Variants in GSS observed in about 807,000 individuals in gnomAD.
GSS encodes the protein glutathione synthetase.
Under a neutral mutation model 60.4 loss-of-function variants are expected in GSS, and 34 were observed. That is an observed-to-expected ratio of 0.56 (90% CI 0.43 to 0.75). The LOEUF (loss-of-function observed/expected upper bound fraction) is 0.75, where lower values mean the gene tolerates loss of function less well. GSS is among the 30% of genes least tolerant of loss of function. The probability of loss-of-function intolerance (pLI) is 0.00; values close to 1 mark genes in which losing one functional copy is unlikely to be tolerated. For synonymous variants in GSS, 224 were observed against 239.0 expected (o/e 0.94, Z 0.58); for missense variants, 499 against 595.1 (o/e 0.84, Z 1.68).
chr20:34,937,082 T>C, intron 6 of GSS, 59 bp from the exon 7 acceptor site: 1 of 1,263,864 alleles, frequency 7.9e-7, no homozygotes, highest in Non-Finnish European at 1.2e-6. Context: ...CTTTTGTTTC[T>C]CCCCTCAACC....
At chr20:34,935,776 G>A (rs1296661593) in intron 8 of GSS, 134 bp from the exon 9 acceptor site, 3 of 706,390 alleles carry the variant, frequency 4.2e-6, no homozygotes, top group Admixed American at 2.0e-5. Context: ...CTGGTCAGGG[G>A]TTCACTGGAA....
intron 1 of GSS, chr20:34,955,371 A>G (rs2081614458): frequency 1.3e-5 from 2 of 152,244 alleles, no homozygotes; most frequent in African/African-American, 4.8e-5. Context: ...AAAGGCCCCG[A>G]GGCAACGACA....
chr20:34,939,227 C>T (rs764856024), intron 6 of GSS, among the ~76,000 whole-genome samples: 1 of 151,840 alleles, frequency 6.6e-6, no homozygotes, highest in South Asian at 2.1e-4. Flanking sequence ...GCAACAAAAA[C>T]GAAACTCTGT....
intron 3 of GSS, 54 bp downstream of exon 3, chr20:34,945,899 C>G: frequency 1.3e-6 from 2 of 1,588,346 alleles, no homozygotes; most frequent in Non-Finnish European, 1.7e-6. Flanking sequence ...CTGCAATCTT[C>G]CAGTTCCTTG....
intron 1 of GSS, chr20:34,954,735 A>T (rs746726333): frequency 1.3e-5 from 2 of 153,194 alleles, no homozygotes; most frequent in Non-Finnish European, 2.9e-5. Context: ...AGAATATCCA[A>T]TTTTTTCCTG....
At position 34,944,635 on chromosome 20, in the gene GSS, G is replaced by A. The variant is rs779729567; in HGVS notation, c.275+1318C>T. Among the ~76,000 whole-genome samples, 144 of 152,294 alleles carry A rather than the reference G, an allele frequency of 9.5e-4. 2 individuals are homozygous for A. The highest frequency in any genetic ancestry group is 6.8e-3 in the Middle Eastern group (2 of 294). ...AAATGCTTGGGACCAGAAGTCTTTCGGATTTTGGAAGATTTGCATATACGT... is the reference window on the plus strand; with the variant it reads ...AAATGCTTGGGACCAGAAGTCTTTCAGATTTTGGAAGATTTGCATATACGT... On this transcript the variant is annotated intron_variant, in intron 3 of 12. Transcript: ENST00000651619.
At chr20:34,941,914 C>T (rs1210118218) in intron 5 of GSS, 85 bp from the exon 6 acceptor site, 2 of 787,948 alleles carry the variant, frequency 2.5e-6, no homozygotes, top group East Asian at 4.9e-5. Flanking sequence ...AGCAACATGA[C>T]TCTGAGAATC....
chr20:34,948,082 C>T (rs1425282759), intron 2 of GSS, among the ~76,000 whole-genome samples: 1 of 151,968 alleles, frequency 6.6e-6, no homozygotes, highest in Non-Finnish European at 1.5e-5. Context: ...TCTCAGCCTC[C>T]CCAGTAGCTG....
In GSS at chr20:34,934,945, G is replaced by A. The variant is rs1047195022; in HGVS notation, c.834+631C>T. Among the ~76,000 whole-genome samples, 6 of 152,212 alleles carry A rather than the reference G, an allele frequency of 3.9e-5. No homozygotes were observed. In the South Asian group the frequency reaches 6.2e-4, roughly 16 times the overall value. ...GAGCTTCTTAGCCTCTCCATGATGT[G>A]GATGTTAGGAGCAGAGGAGAAGAAT... On this transcript the variant is annotated intron_variant, in intron 9 of 12. Coordinates refer to ENST00000651619, the MANE Select transcript of GSS (RefSeq NM_000178.4).
chr20:34,953,470 C>A (rs1439609763), intron 1 of GSS, among the ~76,000 whole-genome samples: 1 of 152,190 alleles, frequency 6.6e-6, no homozygotes, highest in Non-Finnish European at 1.5e-5. Context: ...GACAGACAGA[C>A]AGACCTGGGT....
At chr20:34,936,347 T>C (rs2081440627) in intron 8 of GSS, among the ~76,000 whole-genome samples, 1 of 152,158 alleles carries the variant, frequency 6.6e-6, no homozygotes, top group Non-Finnish European at 1.5e-5. Flanking sequence ...TGGTGGCCCC[T>C]AGAGAAAAGG....
chr20:34,955,413 G>A (rs1018376034), intron 1 of GSS: 1 of 152,172 alleles, frequency 6.6e-6, no homozygotes, highest in East Asian at 1.9e-4. Flanking sequence ...CCCACTTCAC[G>A]GGCCCGCTCG....
chr20:34,931,074 C>T (rs1217723176), intron 11 of GSS, among the ~76,000 whole-genome samples: 1 of 152,156 alleles, frequency 6.6e-6, no homozygotes, highest in Non-Finnish European at 1.5e-5. Context: ...CCTAATATGA[C>T]CCTACTCTAC....
In GSS at chr20:34,948,742, C is replaced by T. The variant is rs142753398; in HGVS notation, c.130-2644G>A. The stretch of plus-strand genomic sequence containing the variant: ...GAGGTTGCAGTGAGCTGAGATCGTG[C>T]CACTGCACTCCAGCCTGGCGACAGA... On this transcript the variant is annotated intron_variant, in intron 2 of 12. Transcript: ENST00000651619. Among the ~76,000 whole-genome samples the T allele has an allele frequency of 3.4e-3, 516 of 151,854 alleles. 4 individuals are homozygous for T. The highest frequency in any genetic ancestry group is 0.012 in the African/African-American group (492 of 41,400).
chr20:34,940,838 G>A (rs1461732704), intron 6 of GSS, among the ~76,000 whole-genome samples: 1 of 152,116 alleles, frequency 6.6e-6, no homozygotes, highest in Non-Finnish European at 1.5e-5. Context: ...AGTTAAAAAG[G>A]ATACCATAAA....
At chr20:34,945,916 G>A in intron 3 of GSS, 37 bp downstream of exon 3, 2 of 1,609,942 alleles carry the variant, frequency 1.2e-6, no homozygotes, top group Non-Finnish European at 1.7e-6. Context: ...CTTGGCTCTG[G>A]CAGCTCCTGG....
intron 6 of GSS, 54 bp downstream of exon 6, chr20:34,941,659 C>T: frequency 2.1e-6 from 2 of 963,538 alleles, no homozygotes; most frequent in Non-Finnish European, 3.4e-6. Flanking sequence ...GTTGCTAAAC[C>T]CATGAATGCT....
intron 6 of GSS, 110 bp from the exon 7 acceptor site, chr20:34,937,133 G>C: frequency 1.3e-6 from 1 of 759,010 alleles, no homozygotes; most frequent in Non-Finnish European, 2.3e-6. Flanking sequence ...TAAGAACACC[G>C]CTTCCCTGAA....
rs35405069 is a variant in GSS at position 34,949,307 on chromosome 20, G to A, written c.129+2417C>T. 75 of 152,244 alleles carry A rather than the reference G, an allele frequency of 4.9e-4. 1 individual carries two copies. The East Asian group carries it at 0.013, about 27-fold the overall frequency. 9.4% of individuals were successfully genotyped at this position (152,244 alleles called of 1,614,324 possible). On this transcript the variant is annotated intron_variant, in intron 2 of 12. Coordinates refer to ENST00000651619, the MANE Select transcript of GSS (RefSeq NM_000178.4). ...TTGCAGCTCTGATCTACAGGATAAAGTTCATACTCCTCCTCCACCCAGTAG... is the reference window on the plus strand; with the variant it reads ...TTGCAGCTCTGATCTACAGGATAAAATTCATACTCCTCCTCCACCCAGTAG...
Sources: allele counts gnomAD v4.1 joint callset (sites outside exome capture counted in the v4.1 genomes callset), GRCh38; gene constraint gnomAD v4.1.1; transcripts MANE v1.5; gene names NCBI Gene and HGNC (gene_info 2026-07-23, HGNC 2026-07-21).